Variants in RAB27B observed in about 807,000 individuals in gnomAD.
The protein encoded by RAB27B is ras-related protein Rab-27B.
Under a neutral mutation model 24.6 loss-of-function variants are expected in RAB27B, and 15 were observed. That is an observed-to-expected ratio of 0.61 (90% CI 0.41 to 0.94). The LOEUF is 0.94. Ranked by LOEUF, RAB27B falls within the 40% of genes least tolerant of loss-of-function variation. RAB27B has a pLI of 0.00. For missense variants in RAB27B, 261 were observed against 266.8 expected, an observed-to-expected ratio of 0.98 and a Z score of 0.15; for synonymous variants, 105 against 92.5, an observed-to-expected ratio of 1.14 and a Z score of -0.78.
At chr18:54,818,473 T>G (rs534842912) in intron 2 of RAB27B, among the ~76,000 whole-genome samples, 2 of 152,322 alleles carry the variant, frequency 1.3e-5, no homozygotes, top group South Asian at 4.1e-4. Context: ...CCATATTTTT[T>G]TTTTGGTGTA....
intron 2 of RAB27B, among the ~76,000 whole-genome samples, chr18:54,770,835 CA>C (rs1240928037): frequency 1.1e-4 from 16 of 152,048 alleles, no homozygotes; most frequent in Non-Finnish European, 5.9e-5. Context: ...ACATTTTCTG[CA>C]GGTCTTTTTA....
At chr18:54,796,026 T>A (rs954739733) in intron 2 of RAB27B, among the ~76,000 whole-genome samples, 1 of 152,196 alleles carries the variant, frequency 6.6e-6, no homozygotes, top group Non-Finnish European at 1.5e-5. Context: ...AGTTTCCTTG[T>A]GTCCCTCTGT....
chr18:54,875,243 C>T (rs1912645367), intron 1 of RAB27B, among the ~76,000 whole-genome samples: 1 of 152,118 alleles, frequency 6.6e-6, no homozygotes, highest in South Asian at 2.1e-4. Context: ...GGAGGATCAC[C>T]TAAACCAGGG....
At chr18:54,829,917 A>G (rs1027630869) in intron 1 of RAB27B, among the ~76,000 whole-genome samples, 1 of 152,214 alleles carries the variant, frequency 6.6e-6, no homozygotes, top group Non-Finnish European at 1.5e-5. Flanking sequence ...ACCAATGACC[A>G]AAAAGGGGTA....
chr18:54,861,373 A>G (rs1234040305), intron 1 of RAB27B, among the ~76,000 whole-genome samples: 1 of 152,246 alleles, frequency 6.6e-6, no homozygotes, highest in East Asian at 1.9e-4. Context: ...CCTTTCATAT[A>G]TCACATAACT....
chr18:54,886,956 C>A (rs1384747920), intron 4 of RAB27B, among the ~76,000 whole-genome samples: 1 of 151,142 alleles, frequency 6.6e-6, no homozygotes, highest in Admixed American at 6.6e-5. Flanking sequence ...ATATTTTTTT[C>A]CCTTTTTTTC....
intron 2 of RAB27B, among the ~76,000 whole-genome samples, chr18:54,727,574 G>A (rs1443838223): frequency 2.0e-5 from 3 of 152,124 alleles, no homozygotes; most frequent in African/African-American, 7.2e-5. Flanking sequence ...AACAAGTTTT[G>A]TGTAAAGGAT....
Position 54,773,929 on chromosome 18 carries a change from C to T in RAB27B, c.-20+55788C>T, listed in dbSNP as rs566217853. On this transcript the variant is annotated intron_variant, in intron 2 of 4. Transcript: ENST00000586570. ...TCCTGACCTCATGATCCACCCGCCT[C>T]GGCCTCCCGAAGTGCTAGGATTACA... Among the ~76,000 whole-genome samples the T allele has an allele frequency of 2.1e-3, 323 of 152,306 alleles. 2 individuals are homozygous for T. The highest frequency in any genetic ancestry group is 7.4e-3 in the African/African-American group (307 of 41,578).
At chr18:54,864,314 T>G (rs1912124999) in intron 1 of RAB27B, among the ~76,000 whole-genome samples, 1 of 152,202 alleles carries the variant, frequency 6.6e-6, no homozygotes, top group Non-Finnish European at 1.5e-5. Flanking sequence ...AGAAGATATC[T>G]CTTCAAAGCC....
At chr18:54,849,492 G>A (rs981892029) in intron 1 of RAB27B, among the ~76,000 whole-genome samples, 3 of 152,152 alleles carry the variant, frequency 2.0e-5, no homozygotes, top group Non-Finnish European at 2.9e-5. Context: ...CCGAGGGAGC[G>A]TGGATCACTT....
chr18:54,803,799 C>T (rs1909684136), intron 2 of RAB27B, among the ~76,000 whole-genome samples: 1 of 152,034 alleles, frequency 6.6e-6, no homozygotes, highest in African/African-American at 2.4e-5. Context: ...TGGAACCACT[C>T]ACTGGGTTGA....
chr18:54,846,763 A>G (rs1396483935), intron 1 of RAB27B, among the ~76,000 whole-genome samples: 1 of 152,214 alleles, frequency 6.6e-6, no homozygotes, highest in Non-Finnish European at 1.5e-5. Flanking sequence ...TTCTAAGAGT[A>G]ACTTTATGCC....
chr18:54,764,836 A>G (rs1908307337), intron 2 of RAB27B, among the ~76,000 whole-genome samples: 1 of 152,144 alleles, frequency 6.6e-6, no homozygotes, highest in African/African-American at 2.4e-5. Flanking sequence ...TTTGTCTTCT[A>G]ACTGCCGCAT....
chr18:54,758,581 C>T (rs1275833427), intron 2 of RAB27B, among the ~76,000 whole-genome samples: 1 of 149,336 alleles, frequency 6.7e-6, no homozygotes, highest in African/African-American at 2.5e-5. Context: ...AAAGGTTGTG[C>T]AGTTGGTAGA....
At chr18:54,820,965 C>CA (rs1321902347) in intron 2 of RAB27B, among the ~76,000 whole-genome samples, 13 of 152,182 alleles carry the variant, frequency 8.5e-5, no homozygotes, top group African/African-American at 3.1e-4. Context: ...TGTTCTGTTC[C>CA]ATTGGTCTAT....
chr18:54,848,030 A>G (rs1209521346), intron 1 of RAB27B, among the ~76,000 whole-genome samples: 1 of 152,218 alleles, frequency 6.6e-6, no homozygotes, highest in African/African-American at 2.4e-5. Context: ...GAAGTGAGGT[A>G]CAGAAACAAC....
At chr18:54,865,981 A>G (rs1005057880) in intron 1 of RAB27B, among the ~76,000 whole-genome samples, 3 of 152,214 alleles carry the variant, frequency 2.0e-5, no homozygotes, top group Admixed American at 6.5e-5. Context: ...GCCCTATCCT[A>G]GCTGTAACAG....
chr18:54,799,648 T>TTTTTTTTG (rs1909537803), intron 2 of RAB27B, among the ~76,000 whole-genome samples: 1 of 93,436 alleles, frequency 1.1e-5, no homozygotes, highest in African/African-American at 4.2e-5. Context: ...TTTTTTTTTT[T>TTTTTTTTG]AGACAGAGTC....
intron 1 of RAB27B, among the ~76,000 whole-genome samples, chr18:54,838,003 A>C (rs1910961606): frequency 6.6e-6 from 1 of 152,132 alleles, no homozygotes; most frequent in Non-Finnish European, 1.5e-5. Flanking sequence ...AACCCAACAG[A>C]AAGTGATTGA....
Sources: gnomAD v4.1 joint callset for allele counts (sites outside exome capture counted in the v4.1 genomes callset) on GRCh38, gnomAD v4.1.1 for gene constraint, MANE v1.5 for transcripts, NCBI Gene and HGNC (gene_info 2026-07-23, HGNC 2026-07-21) for gene names.